The following FAM20A variants were observed in gnomAD, a reference collection of about 807,000 sequenced individuals.
FAM20A encodes the protein pseudokinase FAM20A.
FAM20A carries 42 observed loss-of-function variants against 52.0 expected under a neutral mutation model. That is an observed-to-expected ratio of 0.81 (90% CI 0.63 to 1.04). The LOEUF (loss-of-function observed/expected upper bound fraction) is 1.04, where lower values mean the gene tolerates loss of function less well. Among genes scored for constraint, FAM20A ranks in the 50% least tolerant of loss-of-function variants. The probability of loss-of-function intolerance (pLI) is 0.00; values close to 1 mark genes in which losing one functional copy is unlikely to be tolerated. For missense variants in FAM20A, 742 were observed against 712.7 expected, an observed-to-expected ratio of 1.04 and a Z score of -0.47; for synonymous variants, 304 against 298.9, an observed-to-expected ratio of 1.02 and a Z score of -0.18.
At chr17:68,552,446 C>T (rs1184417741) in intron 3 of FAM20A, among the ~76,000 whole-genome samples, 1 of 152,082 alleles carries the variant, frequency 6.6e-6, no homozygotes, top group Non-Finnish European at 1.5e-5. Context: ...TAAGACTGTA[C>T]ACCTGGGCTG....
At chr17:68,595,442 G>A (rs1598086850) in intron 1 of FAM20A, among the ~76,000 whole-genome samples, 1 of 152,206 alleles carries the variant, frequency 6.6e-6, no homozygotes. Flanking sequence ...TCTGAGAGGA[G>A]TGGAGAGGTT....
chr17:68,545,127 A>G (rs1169383902), intron 4 of FAM20A, among the ~76,000 whole-genome samples: 2 of 152,226 alleles, frequency 1.3e-5, no homozygotes, highest in African/African-American at 4.8e-5. Flanking sequence ...CAAAGCGCAT[A>G]ATTTTTCAAG....
In FAM20A at chr17:68,597,665, G is replaced by A. The variant is rs143078186; in HGVS notation, c.404+2598C>T. ...CTCCCAAAGTGCTGGGATTACCAGT[G>A]TGAGCCACTGTGCCTGGCCCTCATA... is the stretch of plus-strand genomic sequence containing the variant. On this transcript the variant is annotated intron_variant, in intron 1 of 10. Coordinates refer to ENST00000592554, the MANE Select transcript of FAM20A (RefSeq NM_017565.4). Among the ~76,000 whole-genome samples the A allele has an allele frequency of 3.9e-3, 590 of 152,310 alleles. 1 individual carries two copies. The highest frequency in any genetic ancestry group is 6.2e-3 in the Non-Finnish European group (421 of 68,016).
intron 4 of FAM20A, among the ~76,000 whole-genome samples, 149 bp downstream of exon 4, chr17:68,551,719 ATTATT>A (rs1484478303): frequency 2.9e-5 from 4 of 139,000 alleles, no homozygotes; most frequent in African/African-American, 1.2e-4. Context: ...TATTATTATT[ATTATT>A]ATCACCCCAA....
At chr17:68,554,494 T>G (rs570098912) in intron 3 of FAM20A, among the ~76,000 whole-genome samples, 1 of 152,224 alleles carries the variant, frequency 6.6e-6, no homozygotes, top group South Asian at 2.1e-4. Context: ...ATTCAGATTC[T>G]GATTCAGAAA....
At position 68,555,559 on chromosome 17, in the gene FAM20A, C is replaced by T; in HGVS notation, c.589G>A (p.Asp197Asn). The T allele has an allele frequency of 6.2e-7, 1 of 1,612,614 alleles. No individual in the cohort carries two copies. The highest frequency in any genetic ancestry group is 1.7e-5 in the Admixed American group (1 of 60,012). Reference protein sequence around the residue: ...DMRHFPTISADYSQDEKALLG... With the variant: ...DMRHFPTISANYSQDEKALLG... ...CCTTGCTTGATCCCATGAACCTTACCAGCACTGATGGTGGGAAAGTGCCTC... is the reference window on the plus strand; with the variant it reads ...CCTTGCTTGATCCCATGAACCTTACTAGCACTGATGGTGGGAAAGTGCCTC... Residue 197 changes from aspartate (D) to asparagine (N), a missense_variant and splice_region_variant, in exon 2 of 11, where the codon GAT (aspartate) becomes AAT (asparagine). Asp to Asn is a conservative substitution (Grantham distance 23, BLOSUM62 1). Transcript: ENST00000592554.
chr17:68,547,437 C>A (rs1346575723), intron 4 of FAM20A, among the ~76,000 whole-genome samples: 2 of 152,188 alleles, frequency 1.3e-5, no homozygotes, highest in Non-Finnish European at 2.9e-5. Flanking sequence ...CAATAGAAGG[C>A]TGTTTCATCT....
Position 68,600,711 on chromosome 17 carries a change from CGGGGTCCCGGGA to C in FAM20A, c.-57_-46del. 4 of 1,521,976 alleles carry C rather than the reference CGGGGTCCCGGGA, an allele frequency of 2.6e-6. No individual in the cohort carries two copies. Among genetic ancestry groups the C allele is most frequent in the Non-Finnish European group, 3.5e-6 (4 of 1,141,070 alleles). The allele number at this position is 1,521,976 out of a possible 1,614,324, so 94.3% of individuals were successfully genotyped here. On this transcript the variant is annotated 5_prime_UTR_variant, in exon 1 of 11. Transcript: ENST00000592554. This position sits in a 1 kb window ranked among gnomAD's most constrained non-coding sequence, Gnocchi z 6.2. The stretch of plus-strand genomic sequence containing the variant: ...ACGCCGGGGGCAGGCCGGCTGTCTC[CGGGGTCCCGGGA>C]GGGGTCGCGGGGTGCGGGCAGAAGA...
intron 7 of FAM20A, 63 bp downstream of exon 7, chr17:68,541,922 C>G: frequency 5.2e-6 from 8 of 1,544,912 alleles, no homozygotes; most frequent in Non-Finnish European, 7.0e-6. Context: ...AGCAACAAGT[C>G]CCTGGTACAG....
chr17:68,599,694 C>T (rs1270450810), intron 1 of FAM20A, among the ~76,000 whole-genome samples: 2 of 152,326 alleles, frequency 1.3e-5, no homozygotes, highest in South Asian at 4.1e-4. Context: ...CATTTACTTC[C>T]TGCCTCAGAT....
chr17:68,550,074 G>T (rs1427831247), intron 4 of FAM20A, among the ~76,000 whole-genome samples: 5 of 152,136 alleles, frequency 3.3e-5, no homozygotes, highest in Admixed American at 3.3e-4. Context: ...ACAACGGGTT[G>T]ATGGTGGTGA....
chr17:68,595,235 C>T (rs1260865604), intron 1 of FAM20A, among the ~76,000 whole-genome samples: 1 of 152,240 alleles, frequency 6.6e-6, no homozygotes, highest in East Asian at 1.9e-4. Context: ...TGGTTCTCAG[C>T]TGAAGGGCTT....
Position 68,536,244 on chromosome 17 carries a change from A to G in FAM20A, c.*1233T>C, listed in dbSNP as rs956706341. On this transcript the variant is annotated 3_prime_UTR_variant, in exon 11 of 11. Transcript: ENST00000592554. ...TTAGTGACAGCTCCATTCTATTCTC[A>G]TGCTTACAGTATTTGAACTCTGGCC... 4.4e-6 allele frequency: 2 copies of G among 453,978 alleles called. No individual in the cohort carries two copies. Among genetic ancestry groups the G allele is most frequent in the East Asian group, 6.9e-5 (1 of 14,412 alleles). The allele number at this position is 453,978 out of a possible 1,614,324, so 28.1% of individuals were successfully genotyped here. A position where few individuals can be genotyped will look rare whatever the true frequency, so the allele number is the denominator to read the frequency against.
At chr17:68,560,143 C>T (rs1400727089) in intron 1 of FAM20A, among the ~76,000 whole-genome samples, 1 of 152,052 alleles carries the variant, frequency 6.6e-6, no homozygotes, top group Non-Finnish European at 1.5e-5. Context: ...CCATGTTGGC[C>T]AGATGGTCTC....
chr17:68,591,116 T>C (rs2088293371), intron 1 of FAM20A, among the ~76,000 whole-genome samples: 1 of 151,862 alleles, frequency 6.6e-6, no homozygotes, highest in Non-Finnish European at 1.5e-5. Flanking sequence ...TTTTGTTTTG[T>C]TTTGTTTTGA....
At position 68,600,244 on chromosome 17, in the gene FAM20A, T is replaced by A. The variant is rs1182427351; in HGVS notation, c.404+19A>T. On this transcript the variant is annotated intron_variant, in intron 1 of 10. Transcript: ENST00000592554. This position sits in a 1 kb window ranked among gnomAD's most constrained non-coding sequence, Gnocchi z 6.2. The stretch of plus-strand genomic sequence containing the variant: ...CGGCCAGAGCGCCCGCTCTCCCGCG[T>A]CCCGGGCGGGGTCCTCACCTGTTCC... 1.9e-6 allele frequency: 3 copies of A among 1,552,306 alleles called. No homozygotes were observed. Among genetic ancestry groups the A allele is most frequent in the Non-Finnish European group, 2.6e-6 (3 of 1,148,446 alleles).
rs34025800 is a variant in FAM20A, at chr17:68,582,780, ATTTTTTTTTTTTT to A, written c.404+17470_404+17482del. Among the ~76,000 whole-genome samples, 135 of 79,842 alleles carry A rather than the reference ATTTTTTTTTTTTT, an allele frequency of 1.7e-3. No homozygotes were observed. The East Asian group carries it at 0.048, about 29-fold the overall frequency. 52.4% of individuals were successfully genotyped at this position (79,842 alleles called of 152,430 possible). Reference sequence around the variant, plus strand: ...CGCTTATGTGGAAGAGCCAGGATTAATTTTTTTTTTTTTTTTTTTTTTTTTTTGAGACAGAGTC... The same window carrying A: ...CGCTTATGTGGAAGAGCCAGGATTAATTTTTTTTTTTTTTGAGACAGAGTC... On this transcript the variant is annotated intron_variant, in intron 1 of 10. Coordinates refer to ENST00000592554, the MANE Select transcript of FAM20A (RefSeq NM_017565.4).
intron 4 of FAM20A, chr17:68,551,171 T>C (rs1393222719): frequency 4.1e-6 from 5 of 1,217,022 alleles, no homozygotes; most frequent in Non-Finnish European, 5.1e-6. Context: ...GGGCTGCAGA[T>C]CCTTTGGGGG....
At chr17:68,596,942 A>G (rs574118700) in intron 1 of FAM20A, among the ~76,000 whole-genome samples, 2 of 152,248 alleles carry the variant, frequency 1.3e-5, no homozygotes, top group Non-Finnish European at 2.9e-5. Flanking sequence ...CAGATAGCAC[A>G]CAGACAGCCC....
Sources: allele counts gnomAD v4.1 joint callset (sites outside exome capture counted in the v4.1 genomes callset), GRCh38; gene constraint gnomAD v4.1.1; non-coding constraint Gnocchi (gnomAD v3.1); transcripts MANE v1.5; gene names NCBI Gene and HGNC (gene_info 2026-07-23, HGNC 2026-07-21).